GHRHR: variants seen among roughly 807,000 people sequenced by gnomAD.
GHRHR encodes growth hormone releasing hormone receptor, also known as growth hormone-releasing hormone receptor.
GHRHR carries 40 observed loss-of-function variants against 58.3 expected under a neutral mutation model. The ratio of observed to expected loss-of-function variants is 0.69; its 90% confidence interval spans 0.53 to 0.89. The LOEUF is 0.89. GHRHR is among the 40% of genes least tolerant of loss of function. The pLI is 0.00. For synonymous variants in GHRHR, 249 were observed against 216.6 expected (o/e 1.15, Z -1.31); for missense variants, 551 against 541.3 (o/e 1.02, Z -0.18).
At chr7:30,976,368 G>A in intron 10 of GHRHR, 61 bp from the exon 11 acceptor site, 1 of 1,519,678 alleles carries the variant, frequency 6.6e-7, no homozygotes, top group East Asian at 2.3e-5. Context: ...GAGAGGAGAT[G>A]AAGTGCACAC....
Position 30,964,116 on chromosome 7 carries a change from G to A in GHRHR, c.48G>A (p.Pro16=), listed in dbSNP as rs1402308717. ...WGAHVFCVLS[P]LPTVLGHMHP... ...CCCACGTCTTCTGCGTGTTGAGCCCGTTACCGACCGTGAGTAGCCAGCTGA... is the reference window on the plus strand; with the variant it reads ...CCCACGTCTTCTGCGTGTTGAGCCCATTACCGACCGTGAGTAGCCAGCTGA... The change falls in exon 1 of 13, where the codon CCG becomes CCA. Residue 16 remains proline (P), a synonymous_variant. Transcript: ENST00000326139. 9.7e-6 allele frequency: 15 copies of A among 1,548,848 alleles called. No homozygotes were observed. The highest frequency in any genetic ancestry group is 3.9e-5 in the Admixed American group (2 of 50,990).
At position 30,972,007 on chromosome 7, in the gene GHRHR, C is replaced by T. The variant is rs1435697003; in HGVS notation, c.509C>T (p.Thr170Ile). Residue 170 changes from threonine to isoleucine, a missense_variant, in exon 6 of 13, where the codon ACC becomes ATC. Transcript: ENST00000326139. ...AACTACGTCCACACCCAGCTGTTCACCACTTTTATCCTCAAGGCGGGAGCT... is the reference window on the plus strand; with the variant it reads ...AACTACGTCCACACCCAGCTGTTCATCACTTTTATCCTCAAGGCGGGAGCT... ...PRNYVHTQLF[T>I]TFILKAGAVF... is the part of the protein sequence containing the mutation. 1 of 1,614,002 alleles carries T rather than the reference C, an allele frequency of 6.2e-7. No homozygotes were observed. The highest frequency in any genetic ancestry group is 1.1e-5 in the South Asian group (1 of 91,080).
In GHRHR at chr7:30,975,053, G is replaced by A. The variant is rs1792551190; in HGVS notation, c.882+13G>A. ...CCTCTCGGTCGGGGTCAGTCCCTGG[G>A]CCAGTGCCCTTTGCTTTATTCAGTC... On this transcript the variant is annotated intron_variant, in intron 9 of 12. Transcript: ENST00000326139. The A allele has an allele frequency of 6.3e-7, 1 of 1,580,922 alleles. No homozygotes were observed. The highest frequency in any genetic ancestry group is 8.7e-7 in the Non-Finnish European group (1 of 1,149,532).
intron 3 of GHRHR, 105 bp from the exon 4 acceptor site, chr7:30,969,762 G>A (rs951575004): frequency 9.3e-7 from 1 of 1,076,556 alleles, no homozygotes; most frequent in Non-Finnish European, 1.5e-6. Flanking sequence ...CAGAGGAGCT[G>A]TCCATGCAAA....
At chr7:30,969,773 C>A (rs777106467) in intron 3 of GHRHR, 94 bp from the exon 4 acceptor site, 7 of 1,245,552 alleles carry the variant, frequency 5.6e-6, no homozygotes, top group South Asian at 4.8e-5. Flanking sequence ...TCCATGCAAA[C>A]CCTGCCAGGG....
At chr7:30,968,789 A>T in intron 1 of GHRHR, 45 bp from the exon 2 acceptor site, 1 of 1,343,672 alleles carries the variant, frequency 7.4e-7, no homozygotes, top group African/African-American at 1.4e-5. Context: ...GAGCCCAGAA[A>T]GACACCCAAA....
Position 30,964,708 on chromosome 7 carries a change from ATCT to A in GHRHR, c.57+587_57+589del, listed in dbSNP as rs984930343. ...TGCTCCAGCACTTAGGGGATCCATC[ATCT>A]TCTCACGATGCTGAGGGCTGGAGAG... On this transcript the variant is annotated intron_variant, in intron 1 of 12. Coordinates refer to ENST00000326139, the MANE Select transcript of GHRHR (RefSeq NM_000823.4). Among the ~76,000 whole-genome samples the A allele has an allele frequency of 5.9e-5, 9 of 152,304 alleles. No individual in the cohort carries two copies. In the East Asian group the frequency reaches 1.4e-3, roughly 23 times the overall value.
rs563078420 is a variant in GHRHR, at chr7:30,969,103, G to T, written c.201G>T (p.Thr67=). The T allele has an allele frequency of 1.9e-6, 3 of 1,580,118 alleles. No individual in the cohort carries two copies. The South Asian group carries it at 3.5e-5, about 18-fold the overall frequency. Residue 67 remains threonine, a synonymous_variant, in exon 3 of 13, where the codon ACG becomes ACT. Transcript: ENST00000326139. ...GGGATGGGCTGCTGTGCTGGCCAAC[G>T]GCAGGCTCTGGCGAGTGGGTCACCC... is the stretch of plus-strand genomic sequence containing the variant. The part of the protein sequence containing the change: ...ATWDGLLCWP[T]AGSGEWVTLP...
intron 1 of GHRHR, among the ~76,000 whole-genome samples, chr7:30,967,095 A>G (rs1015272926): frequency 1.3e-5 from 2 of 152,242 alleles, no homozygotes; most frequent in African/African-American, 2.4e-5. Context: ...TGTATGCTGT[A>G]TACCCAGTTC....
intron 4 of GHRHR, among the ~76,000 whole-genome samples, chr7:30,970,376 A>G (rs1184170335): frequency 1.3e-5 from 2 of 152,224 alleles, no homozygotes; most frequent in Non-Finnish European, 2.9e-5. Flanking sequence ...ACTCAAGCCC[A>G]GGGTGATTGC....
chr7:30,979,121 G>A lies in GHRHR; in HGVS notation c.1149G>A (p.Val383=), dbSNP rs1275533432. The change falls in exon 13 of 13, where the codon GTG becomes GTA. Residue 383 remains valine (V), a splice_region_variant and synonymous_variant. Transcript: ENST00000326139. ...AILYCFLNQE[V]RTEISRKWHG... ...CGTCCTCTTCCTTGTCCCTGGAGGT[G>A]AGGACTGAGATCTCACGGAAGTGGC... is the stretch of plus-strand genomic sequence containing the variant. 2.5e-6 allele frequency: 4 copies of A among 1,613,750 alleles called. No homozygotes were observed. Among genetic ancestry groups the A allele is most frequent in the African/African-American group, 2.7e-5 (2 of 74,932 alleles).
At chr7:30,967,670 C>T (rs996908710) in intron 1 of GHRHR, among the ~76,000 whole-genome samples, 10 of 151,684 alleles carry the variant, frequency 6.6e-5, no homozygotes, top group African/African-American at 2.4e-4. Context: ...TTCCACTAGC[C>T]TTCCTTCCTT....
At chr7:30,978,059 T>C (rs1186158170) in intron 12 of GHRHR, among the ~76,000 whole-genome samples, 1 of 152,212 alleles carries the variant, frequency 6.6e-6, no homozygotes, top group East Asian at 1.9e-4. Flanking sequence ...TGCAGGGCCA[T>C]GCGCTCCCTC....
chr7:30,979,101 T>G lies in GHRHR; in HGVS notation c.1147-18T>G. On this transcript the variant is annotated intron_variant, in intron 12 of 12. Coordinates refer to ENST00000326139, the MANE Select transcript of GHRHR (RefSeq NM_000823.4). ...CCACAGGGGGACCTTCCTAACGTCC[T>G]CTTCCTTGTCCCTGGAGGTGAGGAC... 6.2e-7 allele frequency: 1 copy of G among 1,613,070 alleles called. No individual in the cohort carries two copies. Among genetic ancestry groups the G allele is most frequent in the African/African-American group, 1.3e-5 (1 of 75,042 alleles).
chr7:30,970,803 C>T (rs1327508299), intron 4 of GHRHR, among the ~76,000 whole-genome samples: 1 of 152,224 alleles, frequency 6.6e-6, no homozygotes, highest in Non-Finnish European at 1.5e-5. Context: ...AGCTGATTTC[C>T]TCTTGGGCTT....
chr7:30,976,720 G>A (rs527435864), intron 11 of GHRHR, among the ~76,000 whole-genome samples, 162 bp downstream of exon 11: 9 of 151,924 alleles, frequency 5.9e-5, no homozygotes, highest in South Asian at 2.1e-4. Flanking sequence ...ACCCATCTAC[G>A]TATTCAACTA....
chr7:30,967,004 C>T (rs1371151936), intron 1 of GHRHR, among the ~76,000 whole-genome samples: 2 of 152,160 alleles, frequency 1.3e-5, no homozygotes, highest in African/African-American at 4.8e-5. Flanking sequence ...TCTCCCTTCC[C>T]CAGCCCCTCC....
chr7:30,979,174 C>T lies in GHRHR; in HGVS notation c.1202C>T (p.Ala401Val). ...WHGHDPELLP[A>V]WRTRAKWTTP... ...GGCCATGACCCTGAGCTTCTGCCAG[C>T]CTGGAGGACCCGTGCTAAGTGGACC... Residue 401 changes from alanine (A) to valine (V), a missense_variant, in exon 13 of 13, where the codon GCC becomes GTC. Ala to Val is a moderately conservative substitution (Grantham distance 64). Coordinates refer to ENST00000326139, the MANE Select transcript of GHRHR (RefSeq NM_000823.4). 2 of 1,613,568 alleles carry T rather than the reference C, an allele frequency of 1.2e-6. No individual in the cohort carries two copies. Among genetic ancestry groups the T allele is most frequent in the East Asian group, 4.5e-5 (2 of 44,880 alleles).
chr7:30,979,421 C>T lies in GHRHR; in HGVS notation c.*177C>T. ...ACTCTCTTTTGAGGTCCCTGTATGT[C>T]TACCTCTGACTTCTGTGGTCCCTCT... On this transcript the variant is annotated 3_prime_UTR_variant, in exon 13 of 13. Coordinates refer to ENST00000326139, the MANE Select transcript of GHRHR (RefSeq NM_000823.4). 2 of 632,220 alleles carry T rather than the reference C, an allele frequency of 3.2e-6. No homozygotes were observed. Among genetic ancestry groups the T allele is most frequent in the Non-Finnish European group, 5.8e-6 (2 of 346,534 alleles). 39.2% of individuals were successfully genotyped at this position (632,220 alleles called of 1,614,324 possible).
Sources: allele counts gnomAD v4.1 joint callset (sites outside exome capture counted in the v4.1 genomes callset), GRCh38; gene constraint gnomAD v4.1.1; transcripts MANE v1.5; gene names NCBI Gene and HGNC (gene_info 2026-07-23, HGNC 2026-07-21).